The following CHEK2 variants were observed in gnomAD, a reference collection of about 807,000 sequenced individuals.
The protein encoded by CHEK2 is checkpoint kinase 2.
Under a neutral mutation model 69.1 loss-of-function variants are expected in CHEK2, and 71 were observed. The ratio of observed to expected loss-of-function variants is 1.03; its 90% CI spans 0.85 to 1.25. CHEK2 has a LOEUF of 1.25. Ranked by LOEUF, CHEK2 falls within the 50% of genes most tolerant of loss-of-function variation. The pLI, the probability that CHEK2 is intolerant of heterozygous loss-of-function variation, is 0.00. For synonymous variants in CHEK2, 189 were observed against 226.9 expected, an observed-to-expected ratio of 0.83 and a Z score of 1.50; for missense variants, 664 against 649.6, an observed-to-expected ratio of 1.02 and a Z score of -0.24.
chr22:28,702,290 A>G (rs144304772), intron 8 of CHEK2, among the ~76,000 whole-genome samples: 1,737 of 148,646 alleles, frequency 0.012, 28 homozygotes, highest in East Asian at 0.037. Flanking sequence ...CCAGGCTGGA[A>G]TGCAGTGGCG....
intron 4 of CHEK2, among the ~76,000 whole-genome samples, chr22:28,720,010 T>C (rs1256956550): frequency 1.3e-5 from 2 of 152,166 alleles, no homozygotes; most frequent in African/African-American, 4.8e-5. Flanking sequence ...ATATTCAACA[T>C]ATTTGTAAAG....
At chr22:28,726,928 T>C (rs984141133) in intron 2 of CHEK2, among the ~76,000 whole-genome samples, 3 of 151,176 alleles carry the variant, frequency 2.0e-5, no homozygotes, top group Non-Finnish European at 4.4e-5. Flanking sequence ...ATCTGCCTTG[T>C]GGTCTTAGCA....
intron 4 of CHEK2, chr22:28,721,719 T>C: frequency 2.5e-6 from 1 of 397,642 alleles, no homozygotes; most frequent in Non-Finnish European, 5.2e-6. Flanking sequence ...TGAAAACATG[T>C]TGTACATGAT....
At chr22:28,729,618 A>C (rs904980651) in intron 2 of CHEK2, among the ~76,000 whole-genome samples, 26 of 152,012 alleles carry the variant, frequency 1.7e-4, no homozygotes, top group Non-Finnish European at 2.6e-4. Flanking sequence ...CAATTAATAT[A>C]ATACACGATA....
intron 7 of CHEK2, among the ~76,000 whole-genome samples, chr22:28,709,680 G>A (rs943112654): frequency 1.3e-5 from 2 of 151,898 alleles, no homozygotes; most frequent in African/African-American, 2.4e-5. Flanking sequence ...GCAGTGGCGC[G>A]ATCTTGGCTC....
At chr22:28,698,727 T>C (rs1440210087) in intron 9 of CHEK2, among the ~76,000 whole-genome samples, 1 of 152,186 alleles carries the variant, frequency 6.6e-6, no homozygotes, top group East Asian at 1.9e-4. Flanking sequence ...TATTCTTTCA[T>C]CTAACACCTA....
Position 28,725,348 on chromosome 22 carries a change from G to A in CHEK2, c.339C>T (p.Tyr113=), listed in dbSNP as rs905674348. 5.6e-6 allele frequency: 9 copies of A among 1,613,956 alleles called. No individual in the cohort carries two copies. Among genetic ancestry groups the A allele is most frequent in the Non-Finnish European group, 7.6e-6 (9 of 1,180,006 alleles). ...CACAGCTTTTGTCCCTCCCAAACCA[G>A]TAGTTGTCATTCACACATTCTGTAA... ...FANLECVNDN[Y]WFGRDKSCEY... The change falls in exon 3 of 15, where the codon TAC becomes TAT. Residue 113 remains tyrosine, a synonymous_variant. Coordinates refer to ENST00000404276, the MANE Select transcript of CHEK2 (RefSeq NM_007194.4).
chr22:28,734,219 G>A (rs1405810550), intron 2 of CHEK2, among the ~76,000 whole-genome samples, 184 bp downstream of exon 2: 5 of 152,148 alleles, frequency 3.3e-5, no homozygotes, highest in Non-Finnish European at 7.3e-5. Flanking sequence ...ATGTACTTTA[G>A]CTTCTATTGC....
chr22:28,707,304 C>T (rs147795933), intron 7 of CHEK2, among the ~76,000 whole-genome samples: 277 of 152,290 alleles, frequency 1.8e-3, no homozygotes, highest in African/African-American at 6.3e-3. Flanking sequence ...TTTAGGAGTA[C>T]GTCTCATTAA....
chr22:28,723,686 G>A (rs1208245414), intron 4 of CHEK2, among the ~76,000 whole-genome samples: 4 of 151,126 alleles, frequency 2.6e-5, no homozygotes, highest in Non-Finnish European at 5.9e-5. Context: ...GCTCCCACCT[G>A]TAATCCCAGC....
At position 28,702,064 on chromosome 22, in the gene CHEK2, A is replaced by T. The variant is rs138299212; in HGVS notation, c.908+1441T>A. Among the ~76,000 whole-genome samples the T allele has an allele frequency of 3.4e-5, 5 of 147,552 alleles. No individual in the cohort carries two copies. In the East Asian group the frequency reaches 1.0e-3, roughly 30 times the overall value. On this transcript the variant is annotated intron_variant, in intron 8 of 14. Transcript: ENST00000404276. ...CTTCCCAAGCTCAGGTGATCCTCCC[A>T]CCTCAGCCTCCTAAATCACAGGGAT... is the stretch of plus-strand genomic sequence containing the variant.
chr22:28,714,627 G>T (rs2053526698), intron 5 of CHEK2, among the ~76,000 whole-genome samples: 1 of 152,052 alleles, frequency 6.6e-6, no homozygotes, highest in South Asian at 2.1e-4. Context: ...AGGCACAAAA[G>T]TTTTTAATTT....
chr22:28,695,418 A>T (rs2052534398), intron 11 of CHEK2, among the ~76,000 whole-genome samples, 176 bp from the exon 12 acceptor site: 2 of 152,204 alleles, frequency 1.3e-5, no homozygotes, highest in African/African-American at 4.8e-5. Flanking sequence ...GCACTTTGGG[A>T]GGCCGAGGCA....
intron 2 of CHEK2, among the ~76,000 whole-genome samples, chr22:28,725,908 C>CG (rs1555927599): frequency 7.0e-6 from 1 of 142,860 alleles, no homozygotes; most frequent in Non-Finnish European, 1.5e-5. Flanking sequence ...GACCCAGTTT[C>CG]AAAAAAAAAA....
intron 8 of CHEK2, 39 bp downstream of exon 8, chr22:28,703,466 T>G: frequency 9.2e-7 from 1 of 1,081,508 alleles, no homozygotes; most frequent in Non-Finnish European, 1.4e-6. Context: ...ATAAAGCATT[T>G]GAATGGAAAC....
Position 28,734,443 on chromosome 22 carries a change from C to T in CHEK2, c.279G>A (p.Trp93Ter), listed in dbSNP as rs587782070. ...CATCCTGAAGGGCCCATAATCGAGC[C>T]CAGGGGGCAGGGGTAGGCTCCTCAG... ...QEPEEPTPAP[W>*]ARLWALQDGF... Residue 93 changes from tryptophan to a stop codon, truncating the protein, a stop_gained, in exon 2 of 15, where the codon TGG becomes TGA. Coordinates refer to ENST00000404276, the MANE Select transcript of CHEK2 (RefSeq NM_007194.4). LOFTEE classifies it high-confidence loss of function. 1.4e-5 allele frequency: 23 copies of T among 1,613,852 alleles called. No individual in the cohort carries two copies. The highest frequency in any genetic ancestry group is 6.7e-5 in the Admixed American group (4 of 59,978).
At chr22:28,699,014 C>CT (rs17884024) in intron 9 of CHEK2, among the ~76,000 whole-genome samples, 1,583 of 152,176 alleles carry the variant, frequency 0.01, 33 homozygotes, top group African/African-American at 0.036. Context: ...CATGTTATCT[C>CT]TTTTTTTAAA....
At chr22:28,688,600 C>G (rs527940093) in intron 14 of CHEK2, among the ~76,000 whole-genome samples, 2 of 152,048 alleles carry the variant, frequency 1.3e-5, no homozygotes, top group African/African-American at 4.8e-5. Flanking sequence ...ACCCAGGAGG[C>G]AGAGGTTGCA....
rs1320819223 is a variant in CHEK2, at chr22:28,725,109, T to C, written c.460A>G (p.Asn154Asp). 1 of 1,614,004 alleles carries C rather than the reference T, an allele frequency of 6.2e-7. No homozygotes were observed. Among genetic ancestry groups the C allele is most frequent in the East Asian group, 2.2e-5 (1 of 44,872 alleles). Residue 154 changes from asparagine (N) to aspartate (D), a missense_variant, in exon 4 of 15, where the codon AAC becomes GAC. Physicochemically the swap from Asn to Asp is conservative, Grantham distance 23. Transcript: ENST00000404276. ...FRIFREVGPK[N>D]SYIAYIEDHS... ...TCTTCTATGTATGCAATGTAAGAGTTTTTAGGACCCACTTCCTAAAATAGA... is the reference window on the plus strand; with the variant it reads ...TCTTCTATGTATGCAATGTAAGAGTCTTTAGGACCCACTTCCTAAAATAGA...
Sources: gnomAD v4.1 joint callset for allele counts (sites outside exome capture counted in the v4.1 genomes callset) on GRCh38, gnomAD v4.1.1 for gene constraint, MANE v1.5 for transcripts, NCBI Gene and HGNC (gene_info 2026-07-23, HGNC 2026-07-21) for gene names.